The following CDH12 variants were observed in gnomAD, a reference collection of about 807,000 sequenced individuals.
CDH12 encodes cadherin 12, also known as cadherin-12.
A neutral mutation model predicts 74.1 loss-of-function variants in CDH12; 41 were observed. That is an observed-to-expected ratio of 0.55 (90% CI 0.43 to 0.72). The LOEUF is 0.72. CDH12 is among the 30% of genes least tolerant of loss of function. The pLI, the probability that CDH12 is intolerant of heterozygous loss-of-function variation, is 0.00. For synonymous variants in CDH12, 399 were observed against 355.0 expected (o/e 1.12, Z -1.39); for missense variants, 945 against 977.2 (o/e 0.97, Z 0.44).
chr5:22,358,451 G>A (rs934221682), intron 3 of CDH12, among the ~76,000 whole-genome samples: 5 of 151,928 alleles, frequency 3.3e-5, no homozygotes, highest in Admixed American at 3.3e-4. Context: ...CAAAAAAGCA[G>A]CCCCCACTTT....
At chr5:22,060,068 A>C (rs1741082037) in intron 5 of CDH12, among the ~76,000 whole-genome samples, 1 of 152,184 alleles carries the variant, frequency 6.6e-6, no homozygotes, top group African/African-American at 2.4e-5. Flanking sequence ...TAGTGTCAAC[A>C]AGATTCAGAA....
chr5:22,657,310 G>T (rs867592310), intron 1 of CDH12, among the ~76,000 whole-genome samples: 10 of 152,088 alleles, frequency 6.6e-5, no homozygotes, highest in African/African-American at 2.4e-4. Flanking sequence ...AGCTCTTGTC[G>T]CAATCTGGAG....
rs185527940 is a variant in CDH12 at position 22,507,028 on chromosome 5, G to A, written c.-522-1664C>T. Among the ~76,000 whole-genome samples the A allele has an allele frequency of 2.0e-5, 3 of 152,074 alleles. No homozygotes were observed. The South Asian group carries it at 6.2e-4, about 31-fold the overall frequency. ...TAAAGATGTCCACACAAGTGGACATGTTTATGATGCCTGATTCTGAAGAAT... is the reference window on the plus strand; with the variant it reads ...TAAAGATGTCCACACAAGTGGACATATTTATGATGCCTGATTCTGAAGAAT... On this transcript the variant is annotated intron_variant, in intron 1 of 14. Coordinates refer to ENST00000382254, the MANE Select transcript of CDH12 (RefSeq NM_004061.5).
chr5:22,516,738 T>G (rs954044932), intron 1 of CDH12, among the ~76,000 whole-genome samples: 1 of 152,068 alleles, frequency 6.6e-6, no homozygotes, highest in African/African-American at 2.4e-5. Flanking sequence ...GAGGCTGCAG[T>G]GAGCCATGAT....
intron 4 of CDH12, among the ~76,000 whole-genome samples, chr5:22,125,205 C>T (rs1745780612): frequency 6.6e-6 from 1 of 151,950 alleles, no homozygotes; most frequent in Non-Finnish European, 1.5e-5. Context: ...AACCTGTCAT[C>T]TAGGTTTTAA....
At chr5:21,836,282 G>T (rs1326273186) in intron 8 of CDH12, among the ~76,000 whole-genome samples, 2 of 151,500 alleles carry the variant, frequency 1.3e-5, no homozygotes, top group Non-Finnish European at 3.0e-5. Context: ...GCTCTTAATA[G>T]AAACCGTCAA....
chr5:22,329,019 A>G, intron 3 of CDH12, among the ~76,000 whole-genome samples: 1 of 152,188 alleles, frequency 6.6e-6, no homozygotes, highest in African/African-American at 2.4e-5. Flanking sequence ...AAAATAAACA[A>G]GACAAGAGAA....
intron 5 of CDH12, among the ~76,000 whole-genome samples, chr5:21,988,807 A>G (rs111597417): frequency 0.052 from 7,850 of 152,232 alleles, 292 homozygotes; most frequent in Non-Finnish European, 0.073. Context: ...TCCACGTTCT[A>G]GGGTTTCATT....
intron 5 of CDH12, among the ~76,000 whole-genome samples, chr5:22,021,697 T>C (rs2150162105): frequency 6.6e-6 from 1 of 152,350 alleles, no homozygotes; most frequent in Non-Finnish European, 1.5e-5. Flanking sequence ...TTTCATTCAA[T>C]TGGAATAGGG....
chr5:22,780,687 G>A (rs1561025983), intron 1 of CDH12, among the ~76,000 whole-genome samples: 1 of 152,120 alleles, frequency 6.6e-6, no homozygotes, highest in Non-Finnish European at 1.5e-5. Context: ...AATTCAAGAT[G>A]AGAGTTGGGT....
At position 22,655,453 on chromosome 5, in the gene CDH12, C is replaced by T. The variant is rs183512281; in HGVS notation, c.-522-150089G>A. On this transcript the variant is annotated intron_variant, in intron 1 of 14. Coordinates refer to ENST00000382254, the MANE Select transcript of CDH12 (RefSeq NM_004061.5). ...CATTATTTAATACATGATTACTTCA[C>T]TTGTAATCTCCACACCATCTTCTAT... 2.5e-3 allele frequency among the ~76,000 whole-genome samples: 375 copies of T among 152,312 alleles called. 2 individuals carry two copies. Among genetic ancestry groups the T allele is most frequent in the Non-Finnish European group, 2.6e-3 (177 of 68,032 alleles).
chr5:22,746,909 G>C (rs923820833), intron 1 of CDH12, among the ~76,000 whole-genome samples: 2 of 152,130 alleles, frequency 1.3e-5, no homozygotes, highest in South Asian at 2.1e-4. Context: ...GATAGTAGCA[G>C]CTTCCTAAAC....
At chr5:22,617,952 T>C (rs1737772413) in intron 1 of CDH12, among the ~76,000 whole-genome samples, 1 of 152,124 alleles carries the variant, frequency 6.6e-6, no homozygotes, top group Non-Finnish European at 1.5e-5. Context: ...AAACAATTGA[T>C]ATTATTGATG....
chr5:22,650,548 A>AC (rs1447839268), intron 1 of CDH12, among the ~76,000 whole-genome samples: 1 of 152,066 alleles, frequency 6.6e-6, no homozygotes, highest in Non-Finnish European at 1.5e-5. Context: ...TTGCAAGAGA[A>AC]TAATTAGAAA....
chr5:21,912,673 G>T (rs1753909119), intron 6 of CDH12, among the ~76,000 whole-genome samples: 1 of 152,158 alleles, frequency 6.6e-6, no homozygotes, highest in Non-Finnish European at 1.5e-5. Context: ...CATTCAAGAT[G>T]CCCGGTCCAC....
intron 1 of CDH12, among the ~76,000 whole-genome samples, chr5:22,573,292 A>AT (rs1048838611): frequency 6.6e-6 from 1 of 152,080 alleles, no homozygotes; most frequent in African/African-American, 2.4e-5. Context: ...TACCTATCTC[A>AT]TTTTTTAAAA....
At chr5:21,832,250 A>G (rs1011486348) in intron 8 of CDH12, among the ~76,000 whole-genome samples, 1 of 152,166 alleles carries the variant, frequency 6.6e-6, no homozygotes, top group Non-Finnish European at 1.5e-5. Flanking sequence ...GAACTAAGTA[A>G]GTCAACAAAA....
intron 6 of CDH12, among the ~76,000 whole-genome samples, chr5:21,894,010 G>A (rs1365865714): frequency 6.6e-6 from 1 of 152,168 alleles, no homozygotes; most frequent in Non-Finnish European, 1.5e-5. Flanking sequence ...GCTGAGTTAG[G>A]TGCTAGTCCA....
chr5:22,264,288 C>T (rs1381961459), intron 3 of CDH12, among the ~76,000 whole-genome samples: 2 of 151,910 alleles, frequency 1.3e-5, no homozygotes, highest in Non-Finnish European at 2.9e-5. Flanking sequence ...TACACAAACC[C>T]ATGAATATGT....
Sources: allele counts gnomAD v4.1 joint callset (sites outside exome capture counted in the v4.1 genomes callset), GRCh38; gene constraint gnomAD v4.1.1; transcripts MANE v1.5; gene names NCBI Gene and HGNC (gene_info 2026-07-23, HGNC 2026-07-21).